The following ANKRD30A variants were observed in gnomAD, a reference collection of about 807,000 sequenced individuals.
ANKRD30A encodes the protein ankyrin repeat domain 30A, also known as ankyrin repeat domain-containing protein 30A.
A neutral mutation model predicts 166.3 loss-of-function variants in ANKRD30A; 170 were observed. The ratio of observed to expected loss-of-function variants is 1.02; its 90% CI spans 0.90 to 1.16. The LOEUF (loss-of-function observed/expected upper bound fraction) is 1.16, where lower values mean the gene tolerates loss of function less well. ANKRD30A is among the 50% of genes most tolerant of loss of function. The pLI, the probability that ANKRD30A is intolerant of heterozygous loss-of-function variation, is 0.00. For missense variants in ANKRD30A, 1,630 were observed against 1,518.0 expected, an observed-to-expected ratio of 1.07 and a Z score of -1.23; for synonymous variants, 564 against 508.9, an observed-to-expected ratio of 1.11 and a Z score of -1.46.
chr10:37,213,710 A>C (rs1471459226), intron 31 of ANKRD30A, among the ~76,000 whole-genome samples: 1 of 151,626 alleles, frequency 6.6e-6, no homozygotes, highest in African/African-American at 2.4e-5. Flanking sequence ...ATTTGAAATT[A>C]GTTCAAAATA....
the ANKRD30A span, among the ~76,000 whole-genome samples, chr10:37,252,744 A>C: frequency 6.6e-6 from 1 of 151,818 alleles, no homozygotes; most frequent in African/African-American, 2.4e-5. Flanking sequence ...TCTGTACCTC[A>C]TCTGGAATAT....
At chr10:37,131,310 C>T (rs1043608066) in intron 3 of ANKRD30A, among the ~76,000 whole-genome samples, 2 of 151,954 alleles carry the variant, frequency 1.3e-5, no homozygotes, top group Admixed American at 1.3e-4. Context: ...ATAGCAATTA[C>T]AATAGAAACC....
At chr10:37,163,934 A>T (rs1291223150) in intron 17 of ANKRD30A, among the ~76,000 whole-genome samples, 1 of 123,386 alleles carries the variant, frequency 8.1e-6, no homozygotes, top group Non-Finnish European at 1.8e-5. Flanking sequence ...CTCCACTAAG[A>T]ATTTGAACTG....
At chr10:37,238,785 T>G in the ANKRD30A span, among the ~76,000 whole-genome samples, 2 of 152,320 alleles carry the variant, frequency 1.3e-5, no homozygotes, top group African/African-American at 4.8e-5. Flanking sequence ...ATAGTGTTTA[T>G]TAAAGGTAAT....
chr10:37,237,374 CATATTATATAAA>C (rs1843710463), downstream of ANKRD30A, among the ~76,000 whole-genome samples: 1 of 152,052 alleles, frequency 6.6e-6, no homozygotes, highest in Non-Finnish European at 1.5e-5. Context: ...TAGATGCAAC[CATATTATATAAA>C]ACAGAACAGA....
At chr10:37,133,261 A>G (rs1282823993) in intron 4 of ANKRD30A, among the ~76,000 whole-genome samples, 1 of 152,218 alleles carries the variant, frequency 6.6e-6, no homozygotes, top group Non-Finnish European at 1.5e-5. Context: ...AAGTTAAGCC[A>G]TAGGTGAGTA....
intron 25 of ANKRD30A, 92 bp from the exon 26 acceptor site, chr10:37,192,972 G>A (rs1840724317): frequency 6.7e-7 from 1 of 1,486,370 alleles, no homozygotes; most frequent in Admixed American, 1.7e-5. Flanking sequence ...ATCCAAGCAT[G>A]AGGATTCATC....
At chr10:37,260,911 A>G in the ANKRD30A span, among the ~76,000 whole-genome samples, 3 of 152,278 alleles carry the variant, frequency 2.0e-5, no homozygotes, top group South Asian at 4.1e-4. Flanking sequence ...GGAGGGAGAG[A>G]AAAAAGGGTT....
At chr10:37,138,699 C>G (rs1435687729) in intron 6 of ANKRD30A, among the ~76,000 whole-genome samples, 1 of 152,160 alleles carries the variant, frequency 6.6e-6, no homozygotes, top group African/African-American at 2.4e-5. Flanking sequence ...AAGAAATGAA[C>G]AAAGCCTCCA....
chr10:37,247,123 A>G, the ANKRD30A span, among the ~76,000 whole-genome samples: 13 of 152,222 alleles, frequency 8.5e-5, no homozygotes, highest in Admixed American at 7.9e-4. Context: ...ATGAAATACA[A>G]TGAGTGCTCT....
intron 32 of ANKRD30A, 72 bp downstream of exon 32, chr10:37,216,466 A>G: frequency 7.2e-7 from 1 of 1,394,770 alleles, no homozygotes; most frequent in Non-Finnish European, 9.7e-7. Context: ...TTTTTGTAAT[A>G]GCTGACTTAC....
intron 29 of ANKRD30A, among the ~76,000 whole-genome samples, chr10:37,198,602 G>A (rs1054211138): frequency 6.6e-6 from 1 of 151,964 alleles, no homozygotes; most frequent in Non-Finnish European, 1.5e-5. Context: ...GAGATATGGT[G>A]TTGCAACACG....
chr10:37,161,746 A>G (rs1189763356), intron 15 of ANKRD30A, among the ~76,000 whole-genome samples: 6 of 152,144 alleles, frequency 3.9e-5, no homozygotes, highest in Non-Finnish European at 5.9e-5. Context: ...TCGCTATACA[A>G]ATGACACATA....
chr10:37,197,547 AT>A, intron 29 of ANKRD30A, 67 bp downstream of exon 29: 1 of 1,606,794 alleles, frequency 6.2e-7, no homozygotes, highest in South Asian at 1.1e-5. Context: ...TGGTCTTTCT[AT>A]CCCCAATGCT....
chr10:37,208,148 A>C (rs1265601995), intron 31 of ANKRD30A, among the ~76,000 whole-genome samples: 2 of 152,094 alleles, frequency 1.3e-5, no homozygotes, highest in African/African-American at 4.8e-5. Flanking sequence ...ATGACCACTC[A>C]GGACATAGAA....
chr10:37,139,536 C>G (rs1252965965), intron 6 of ANKRD30A, among the ~76,000 whole-genome samples: 5 of 152,206 alleles, frequency 3.3e-5, no homozygotes, highest in Non-Finnish European at 7.3e-5. Flanking sequence ...TCCTTTGTAT[C>G]CACTTTAAGC....
At chr10:37,126,403 C>A (rs934393161) in intron 1 of ANKRD30A, among the ~76,000 whole-genome samples, 1 of 152,062 alleles carries the variant, frequency 6.6e-6, no homozygotes, top group Admixed American at 6.5e-5. Flanking sequence ...TGAAATGGTG[C>A]GTAATGAAAT....
chr10:37,203,904 T>C (rs1841816479), intron 31 of ANKRD30A, among the ~76,000 whole-genome samples: 1 of 152,000 alleles, frequency 6.6e-6, no homozygotes, highest in Admixed American at 6.6e-5. Flanking sequence ...TCAAAGAGAA[T>C]AAAATATCTA....
At chr10:37,233,438 T>G (rs1588970650), downstream of ANKRD30A, among the ~76,000 whole-genome samples, 1 of 152,294 alleles carries the variant, frequency 6.6e-6, no homozygotes, top group South Asian at 2.1e-4. Flanking sequence ...TGTATTATTT[T>G]ACAAGATAAT....
Sources: allele counts gnomAD v4.1 joint callset (sites outside exome capture counted in the v4.1 genomes callset), GRCh38; gene constraint gnomAD v4.1.1; transcripts MANE v1.5; gene names NCBI Gene and HGNC (gene_info 2026-07-23, HGNC 2026-07-21).